NUF2: variants seen among roughly 807,000 people sequenced by gnomAD.
NUF2 encodes kinetochore protein Nuf2.
In NUF2, 34 loss-of-function variants were observed where a neutral mutation model predicts 61.8. The ratio of observed to expected loss-of-function variants is 0.55; its 90% CI spans 0.42 to 0.73. The LOEUF (loss-of-function observed/expected upper bound fraction) is 0.73. Ranked by LOEUF, NUF2 falls within the 30% of genes least tolerant of loss-of-function variation. The pLI is 0.00. For missense variants in NUF2, 445 were observed against 539.1 expected, an observed-to-expected ratio of 0.83 and a Z score of 1.73; for synonymous variants, 172 against 181.6, an observed-to-expected ratio of 0.95 and a Z score of 0.42.
At chr1:163,327,609 G>GT in intron 3 of NUF2, 47 bp downstream of exon 3, 18 of 1,224,988 alleles carry the variant, frequency 1.5e-5, no homozygotes, top group Non-Finnish European at 1.8e-5. Context: ...TTGTTTGTTT[G>GT]TTTGTTTTGT....
rs1355983392 is a variant in NUF2 at position 163,338,220 on chromosome 1, T to A, written c.509+127T>A. ...TCTCCCTTAATAAATAGCAGAGTAT[T>A]TGAGTTTGCCTTTTCTTAAAAAAAA... On this transcript the variant is annotated intron_variant, in intron 7 of 13. Transcript: ENST00000271452. The A allele has an allele frequency of 7.2e-6, 4 of 555,560 alleles. No homozygotes were observed. The East Asian group carries it at 1.3e-4, about 17-fold the overall frequency. 34.4% of individuals were successfully genotyped at this position (555,560 alleles called of 1,614,324 possible). A position where few individuals can be genotyped will look rare whatever the true frequency, so the allele number is the denominator to read the frequency against.
intron 13 of NUF2, among the ~76,000 whole-genome samples, chr1:163,353,151 A>G (rs770808393): frequency 2.0e-5 from 3 of 152,176 alleles, no homozygotes; most frequent in African/African-American, 4.8e-5. Flanking sequence ...TCGATATCCA[A>G]ACTGGTCTGG....
Position 163,345,717 on chromosome 1 carries a change from G to C in NUF2, c.847G>C (p.Val283Leu). The C allele has an allele frequency of 6.2e-7, 1 of 1,613,170 alleles. No homozygotes were observed. Among genetic ancestry groups the C allele is most frequent in the Non-Finnish European group, 8.5e-7 (1 of 1,179,382 alleles). ...VEKYEIYGDS[V>L]DCLPSCQLEV... ...GAAATATGAAATCTATGGAGACTCA[G>C]TTGACTGCCTGCCTTCATGTCAGTT... Residue 283 changes from valine to leucine, a missense_variant, in exon 11 of 14, where the codon GTT becomes CTT. Val to Leu is a conservative substitution (Grantham distance 32). Coordinates refer to ENST00000271452, the MANE Select transcript of NUF2 (RefSeq NM_145697.3).
At chr1:163,353,597 C>T (rs906021133) in intron 13 of NUF2, among the ~76,000 whole-genome samples, 2 of 152,188 alleles carry the variant, frequency 1.3e-5, no homozygotes, top group Non-Finnish European at 2.9e-5. Flanking sequence ...TAGCCTTTGA[C>T]TTTAAAAATA....
At chr1:163,337,996 A>C (rs1402767676) in intron 6 of NUF2, 24 bp from the exon 7 acceptor site, 2 of 1,571,188 alleles carry the variant, frequency 1.3e-6, no homozygotes, top group Non-Finnish European at 1.8e-6. Context: ...CACTAATATG[A>C]GATGATTAAA....
intron 13 of NUF2, among the ~76,000 whole-genome samples, chr1:163,354,276 T>C (rs1651417608): frequency 6.6e-6 from 1 of 152,172 alleles, no homozygotes; most frequent in South Asian, 2.1e-4. Context: ...CACACTCTTC[T>C]ATTTTTGTGT....
In NUF2 at chr1:163,355,629, G is replaced by A; in HGVS notation, c.*160G>A. 2.3e-6 allele frequency: 1 copy of A among 433,218 alleles called. No individual in the cohort carries two copies. The highest frequency in any genetic ancestry group is 7.6e-5 in the South Asian group (1 of 13,242). 26.8% of individuals were successfully genotyped at this position (433,218 alleles called of 1,614,324 possible). A position where few individuals can be genotyped will look rare whatever the true frequency, so the allele number is the denominator to read the frequency against. On this transcript the variant is annotated 3_prime_UTR_variant, in exon 14 of 14. Transcript: ENST00000271452. ...AAGTAGTTAATAAGATGAATTTAAT[G>A]TAGGCTTTTATTAATTTATAATTAA...
intron 10 of NUF2, 107 bp from the exon 11 acceptor site, chr1:163,345,571 G>C: frequency 1.1e-6 from 1 of 940,304 alleles, no homozygotes; most frequent in Non-Finnish European, 1.6e-6. Context: ...TGCTCTTAAG[G>C]TTTCAGTATT....
chr1:163,347,021 A>G (rs1183695962), intron 11 of NUF2, among the ~76,000 whole-genome samples: 1 of 152,234 alleles, frequency 6.6e-6, no homozygotes, highest in African/African-American at 2.4e-5. Flanking sequence ...AACCATGGAA[A>G]GTGAAGCCAT....
In NUF2 at chr1:163,355,665, G is replaced by A. The variant is rs189726032; in HGVS notation, c.*196G>A. The A allele has an allele frequency of 5.8e-5, 21 of 362,010 alleles. No homozygotes were observed. In the Admixed American group the frequency reaches 7.8e-4, roughly 13 times the overall value. 22.4% of individuals were successfully genotyped at this position (362,010 alleles called of 1,614,324 possible). On this transcript the variant is annotated 3_prime_UTR_variant, in exon 14 of 14. Coordinates refer to ENST00000271452, the MANE Select transcript of NUF2 (RefSeq NM_145697.3). The stretch of plus-strand genomic sequence containing the variant: ...TTAATTTATAATTAAAATAACTTGT[G>A]CAGCTATTCATGTCTCTACTCTGCC...
chr1:163,338,093 A>T lies in NUF2; in HGVS notation c.509A>T (p.Asp170Val), dbSNP rs192013645. 6.2e-7 allele frequency: 1 copy of T among 1,609,010 alleles called. No individual in the cohort carries two copies. Among genetic ancestry groups the T allele is most frequent in the East Asian group, 2.2e-5 (1 of 44,836 alleles). Residue 170 changes from aspartate to valine, a missense_variant and splice_region_variant, in exon 7 of 14, where the codon GAT becomes GTT. Transcript: ENST00000271452. The part of the protein sequence containing the change: ...QEALMKLERL[D>V]SVPVEEQEEF... ...GCATTAATGAAACTGGAGAGACTTG[A>T]GTAAGTGGGAGATTTACAAGTAAAA...
intron 13 of NUF2, among the ~76,000 whole-genome samples, chr1:163,354,827 T>C (rs184190871): frequency 6.6e-6 from 1 of 152,236 alleles, no homozygotes; most frequent in Admixed American, 6.5e-5. Context: ...ATTGTTGTTT[T>C]ATTTTTTAAA....
chr1:163,339,222 A>G, intron 7 of NUF2, 159 bp from the exon 8 acceptor site: 2 of 567,032 alleles, frequency 3.5e-6, no homozygotes, highest in South Asian at 4.8e-5. Context: ...CCTGTAGTAG[A>G]GGCCAGATCA....
intron 9 of NUF2, among the ~76,000 whole-genome samples, chr1:163,341,802 G>T (rs1423788564): frequency 6.6e-6 from 1 of 151,862 alleles, no homozygotes; most frequent in Non-Finnish European, 1.5e-5. Flanking sequence ...TAATTTTTTT[G>T]TATTTTTAGT....
At chr1:163,339,316 C>A in intron 7 of NUF2, 65 bp from the exon 8 acceptor site, 1 of 881,676 alleles carries the variant, frequency 1.1e-6, no homozygotes, top group Non-Finnish European at 1.8e-6. Flanking sequence ...TATTTGAGGA[C>A]AGGTATTTCA....
At chr1:163,353,725 T>C (rs1651401688) in intron 13 of NUF2, among the ~76,000 whole-genome samples, 1 of 152,184 alleles carries the variant, frequency 6.6e-6, no homozygotes, top group South Asian at 2.1e-4. Context: ...TACATAGTAT[T>C]TGTCAGGGAT....
chr1:163,349,246 A>G (rs1478267169), intron 13 of NUF2, among the ~76,000 whole-genome samples, 166 bp downstream of exon 13: 1 of 152,182 alleles, frequency 6.6e-6, no homozygotes, highest in African/African-American at 2.4e-5. Flanking sequence ...GTAAAGCTTC[A>G]TAAATAGTCC....
chr1:163,346,928 A>T (rs746698262), intron 11 of NUF2, among the ~76,000 whole-genome samples: 1 of 152,204 alleles, frequency 6.6e-6, no homozygotes, highest in Non-Finnish European at 1.5e-5. Flanking sequence ...TTAGAACAGC[A>T]CACAATTTAA....
intron 5 of NUF2, 61 bp from the exon 6 acceptor site, chr1:163,336,690 T>C: frequency 9.6e-7 from 1 of 1,040,260 alleles, no homozygotes; most frequent in South Asian, 1.3e-5. Context: ...GAGGATGAAT[T>C]TTCATTTTCA....
Sources: gnomAD v4.1 joint callset for allele counts (sites outside exome capture counted in the v4.1 genomes callset) on GRCh38, gnomAD v4.1.1 for gene constraint, MANE v1.5 for transcripts, NCBI Gene and HGNC (gene_info 2026-07-23, HGNC 2026-07-21) for gene names.